ZNF571: variants seen among roughly 807,000 people sequenced by gnomAD.
The protein encoded by ZNF571 is zinc finger protein 571.
Under a neutral mutation model 7.7 loss-of-function variants are expected in ZNF571, and 4 were observed. That is an observed-to-expected ratio of 0.52 (90% CI 0.25 to 1.18). The LOEUF (loss-of-function observed/expected upper bound fraction) is 1.18, where lower values mean the gene tolerates loss of function less well. Ranked by LOEUF, ZNF571 falls within the 50% of genes most tolerant of loss-of-function variation. ZNF571 has a pLI of 0.14. For missense variants in ZNF571, 704 were observed against 726.9 expected, an observed-to-expected ratio of 0.97 and a Z score of 0.36; for synonymous variants, 251 against 232.4, an observed-to-expected ratio of 1.08 and a Z score of -0.73.
Position 37,584,935 on chromosome 19 carries a change from G to A in ZNF571, c.10-838C>T, listed in dbSNP as rs373044878. The A allele has an allele frequency of 1.2e-4, 18 of 145,292 alleles. No homozygotes were observed. The East Asian group carries it at 2.6e-3, about 21-fold the overall frequency. 9.0% of individuals were successfully genotyped at this position (145,292 alleles called of 1,614,324 possible). On this transcript the variant is annotated intron_variant, in intron 2 of 3. Coordinates refer to ENST00000451802, the MANE Select transcript of ZNF571 (RefSeq NM_016536.5). The stretch of plus-strand genomic sequence containing the variant: ...GCCGAGATTGCGCCACTGCACTCCC[G>A]CCTGGGCCACAGAGCGAGACTCCGT...
chr19:37,575,524 A>G (rs1311647880), intron 3 of ZNF571: 2 of 152,236 alleles, frequency 1.3e-5, no homozygotes, highest in African/African-American at 4.8e-5. Flanking sequence ...TTTCTTTAGT[A>G]CTAAGCTTCA....
Position 37,565,471 on chromosome 19 carries a change from A to G in ZNF571, c.957T>C (p.Gly319=), listed in dbSNP as rs2042820898. ...CTCTCTGATGGTATGTAAGGTGTGAACCAAGAATAAAGGCCTTTCCACATT... is the reference window on the plus strand; with the variant it reads ...CTCTCTGATGGTATGTAAGGTGTGAGCCAAGAATAAAGGCCTTTCCACATT... ...CKECGKAFIL[G]SHLTYHQRVH... is the part of the protein sequence containing the mutation. Residue 319 remains glycine, a synonymous_variant, in exon 4 of 4, where the codon GGT becomes GGC. Coordinates refer to ENST00000451802, the MANE Select transcript of ZNF571 (RefSeq NM_016536.5). 4.3e-6 allele frequency: 7 copies of G among 1,612,382 alleles called. No homozygotes were observed. Among genetic ancestry groups the G allele is most frequent in the Non-Finnish European group, 5.9e-6 (7 of 1,179,484 alleles).
chr19:37,566,447 G>T, intron 3 of ZNF571, 156 bp from the exon 4 acceptor site: 1 of 811,822 alleles, frequency 1.2e-6, no homozygotes, highest in Non-Finnish European at 1.8e-6. Context: ...AAGGCACAAG[G>T]AGAGAATAAA....
intron 3 of ZNF571, among the ~76,000 whole-genome samples, chr19:37,571,505 AAAAC>A (rs1222502679): frequency 6.6e-6 from 1 of 152,182 alleles, no homozygotes; most frequent in Non-Finnish European, 1.5e-5. Flanking sequence ...CAAAAAAACA[AAAAC>A]AAACAAAAAA....
At chr19:37,589,565 T>C (rs2043802660) in intron 1 of ZNF571, among the ~76,000 whole-genome samples, 1 of 151,984 alleles carries the variant, frequency 6.6e-6, no homozygotes, top group African/African-American at 2.4e-5. Context: ...GAAACGAAAT[T>C]GAGAAGACTT....
intron 1 of ZNF571, among the ~76,000 whole-genome samples, chr19:37,587,872 G>A (rs2043731489): frequency 6.6e-6 from 1 of 151,836 alleles, no homozygotes; most frequent in Non-Finnish European, 1.5e-5. Flanking sequence ...TAGTCCCAGG[G>A]AGGCCGAGGC....
At chr19:37,587,005 C>G (rs563216839) in intron 1 of ZNF571, 38 of 306,550 alleles carry the variant, frequency 1.2e-4, no homozygotes, top group Non-Finnish European at 2.3e-4. Flanking sequence ...CCCAGGGAGC[C>G]CCCCACCATC....
chr19:37,574,403 G>C (rs940328407), intron 3 of ZNF571, among the ~76,000 whole-genome samples: 1 of 152,010 alleles, frequency 6.6e-6, no homozygotes, highest in African/African-American at 2.4e-5. Flanking sequence ...TGAATGTCTT[G>C]CAATCAGTAT....
intron 3 of ZNF571, among the ~76,000 whole-genome samples, chr19:37,571,225 C>T (rs957063347): frequency 2.0e-5 from 3 of 152,224 alleles, no homozygotes; most frequent in East Asian, 1.9e-4. Flanking sequence ...ATTCCAGGCA[C>T]GGTGGCTCAT....
At position 37,566,058 on chromosome 19, in the gene ZNF571, T is replaced by G; in HGVS notation, c.370A>C (p.Thr124Pro). ...ATTATCCGATGAAAAGTAGAAGAGG[T>G]TGAATGACTTTCAGTGGCCTTTTCT... ...CEEKATESHS[T>P]SSTFHRIIPT... Residue 124 changes from threonine (T) to proline (P), a missense_variant, in exon 4 of 4, where the codon ACC becomes CCC. Transcript: ENST00000451802. 1.2e-6 allele frequency: 2 copies of G among 1,614,100 alleles called. No individual in the cohort carries two copies. Among genetic ancestry groups the G allele is most frequent in the Non-Finnish European group, 1.7e-6 (2 of 1,179,962 alleles).
intron 3 of ZNF571, among the ~76,000 whole-genome samples, chr19:37,576,817 C>CACTTTGTTAATTCACCAGAGTA (rs759764042): frequency 1.4e-4 from 22 of 152,132 alleles, no homozygotes; most frequent in Middle Eastern, 3.2e-3. Context: ...CAAAGTTATT[C>CACTTTGTTAATTCACCAGAGTA]ACTTTGTTAA....
intron 3 of ZNF571, chr19:37,566,492 G>A: frequency 3.5e-6 from 2 of 566,466 alleles, no homozygotes; most frequent in Non-Finnish European, 5.8e-6. Flanking sequence ...AAGGTAATTA[G>A]AAAAATAGGT....
At chr19:37,577,101 C>A (rs980994325) in intron 3 of ZNF571, among the ~76,000 whole-genome samples, 3 of 152,028 alleles carry the variant, frequency 2.0e-5, no homozygotes, top group African/African-American at 4.8e-5. Context: ...ATTCCATTTA[C>A]AACAAACTTA....
At chr19:37,594,044 C>G (rs1252517061) in intron 1 of ZNF571, 1 of 152,166 alleles carries the variant, frequency 6.6e-6, no homozygotes, top group Non-Finnish European at 1.5e-5. Flanking sequence ...CATAGAACAT[C>G]AGAGCTCTCG....
chr19:37,586,756 A>G lies in ZNF571; in HGVS notation c.-69-11T>C. 6.7e-7 allele frequency: 1 copy of G among 1,484,758 alleles called. No homozygotes were observed. The highest frequency in any genetic ancestry group is 9.3e-7 in the Non-Finnish European group (1 of 1,072,996). The allele number at this position is 1,484,758 out of a possible 1,614,324, so 92.0% of individuals were successfully genotyped here. A position where few individuals can be genotyped will look rare whatever the true frequency, so the allele number is the denominator to read the frequency against. ...CCAGAGAAGCCAGTGCTGGACAAGGAAAAGAAGCCACAAGATTAGACTTGG... is the reference window on the plus strand; with the variant it reads ...CCAGAGAAGCCAGTGCTGGACAAGGGAAAGAAGCCACAAGATTAGACTTGG... On this transcript the variant is annotated splice_polypyrimidine_tract_variant and intron_variant, in intron 1 of 3. Coordinates refer to ENST00000451802, the MANE Select transcript of ZNF571 (RefSeq NM_016536.5).
chr19:37,584,221 A>C (rs2043580106), intron 2 of ZNF571, 124 bp from the exon 3 acceptor site: 11 of 1,369,032 alleles, frequency 8.0e-6, no homozygotes, highest in Non-Finnish European at 9.1e-6. Context: ...TGGTTGCCTA[A>C]ACAGTAGTAT....
rs1600451348 is a variant in ZNF571, at chr19:37,564,504, G to A, written c.*94C>T. 2.5e-6 allele frequency: 3 copies of A among 1,202,188 alleles called. No homozygotes were observed. Among genetic ancestry groups the A allele is most frequent in the Non-Finnish European group, 3.3e-6 (3 of 902,764 alleles). 74.5% of individuals were successfully genotyped at this position (1,202,188 alleles called of 1,614,324 possible). On this transcript the variant is annotated 3_prime_UTR_variant, in exon 4 of 4. Coordinates refer to ENST00000451802, the MANE Select transcript of ZNF571 (RefSeq NM_016536.5). ...ATGTTAATGTAGGCCTTCTAAGAAT[G>A]AGCAGATTCTGAGCAGAAGCAAGAT...
At chr19:37,567,204 T>C (rs975432536) in intron 3 of ZNF571, among the ~76,000 whole-genome samples, 3 of 152,358 alleles carry the variant, frequency 2.0e-5, no homozygotes, top group Non-Finnish European at 2.9e-5. Context: ...AGTTTGACTA[T>C]TGTCTGTCTG....
At chr19:37,594,399 A>G (rs1051678075) in intron 1 of ZNF571, 1 of 152,278 alleles carries the variant, frequency 6.6e-6, no homozygotes, top group Non-Finnish European at 1.5e-5. Context: ...GCGGAGGAAC[A>G]CTACTAGTAA....
Sources: allele counts gnomAD v4.1 joint callset (sites outside exome capture counted in the v4.1 genomes callset), GRCh38; gene constraint gnomAD v4.1.1; transcripts MANE v1.5; gene names NCBI Gene and HGNC (gene_info 2026-07-23, HGNC 2026-07-21).